Variants in ITPRID2 observed in about 807,000 individuals in gnomAD.
ITPRID2 encodes the protein protein ITPRID2.
Under a neutral mutation model 124.3 loss-of-function variants are expected in ITPRID2, and 60 were observed. That is an observed-to-expected ratio of 0.48 (90% confidence interval 0.39 to 0.60). The LOEUF (loss-of-function observed/expected upper bound fraction) is 0.60. Ranked by LOEUF, ITPRID2 falls within the 20% of genes least tolerant of loss-of-function variation. The pLI is 0.00. For synonymous variants in ITPRID2, 521 were observed against 542.9 expected, an observed-to-expected ratio of 0.96 and a Z score of 0.56; for missense variants, 1,553 against 1,512.2, an observed-to-expected ratio of 1.03 and a Z score of -0.45.
chr2:181,913,254 A>T (rs1199337372), intron 9 of ITPRID2, among the ~76,000 whole-genome samples: 1 of 152,096 alleles, frequency 6.6e-6, no homozygotes, highest in East Asian at 1.9e-4. Flanking sequence ...TTTTTAGTAC[A>T]GACGGGCTTT....
At chr2:181,906,302 G>A (rs1006216680) in intron 8 of ITPRID2, among the ~76,000 whole-genome samples, 3 of 152,142 alleles carry the variant, frequency 2.0e-5, no homozygotes, top group East Asian at 1.9e-4. Context: ...GGAGCACAGC[G>A]GGTGTCAGTG....
chr2:181,910,042 TGTATCA>T lies in ITPRID2; in HGVS notation c.1486+76_1486+81del, dbSNP rs1693478222. On this transcript the variant is annotated intron_variant, in intron 9 of 17. Transcript: ENST00000431877. The surrounding 1 kb of genome is among the most constrained non-coding windows in gnomAD (Gnocchi z 4.1). ...TAGTTGATTTGGAAAAGGGGTTTTA[TGTATCA>T]GTATTTGTAGTATTTATGAGTGTGA... 1.7e-6 allele frequency: 2 copies of T among 1,175,990 alleles called. No homozygotes were observed. The highest frequency in any genetic ancestry group is 1.5e-5 in the African/African-American group (1 of 65,984). 72.8% of individuals were successfully genotyped at this position (1,175,990 alleles called of 1,614,324 possible).
Position 181,913,824 on chromosome 2 carries a change from G to A in ITPRID2, c.1487-21G>A, listed in dbSNP as rs200170058. ...ATTTATAGATCATCTGTTTCTTATA[G>A]CCACATTTTTTTATTCATAGATCAT... On this transcript the variant is annotated intron_variant, in intron 9 of 17. Coordinates refer to ENST00000431877, the MANE Select transcript of ITPRID2 (RefSeq NM_001130445.3). 4.2e-4 allele frequency: 666 copies of A among 1,583,476 alleles called. 2 individuals are homozygous for A. The highest frequency in any genetic ancestry group is 3.6e-4 in the Non-Finnish European group (419 of 1,161,634).
chr2:181,892,188 A>G lies in ITPRID2; in HGVS notation c.122A>G (p.Asp41Gly). The G allele has an allele frequency of 2.6e-6, 4 of 1,553,234 alleles. No individual in the cohort carries two copies. Among genetic ancestry groups the G allele is most frequent in the Non-Finnish European group, 3.5e-6 (4 of 1,148,248 alleles). ...TCCTGGCAAGCGTCGGAGACGGAGG[A>G]TCTGTCCACAGAAGCGACGACGCAG... ...RSSWQASETEDLSTEATTQDE... is the reference protein window; with the variant it reads ...RSSWQASETEGLSTEATTQDE... The change falls in exon 1 of 18, where the codon GAT becomes GGT. Residue 41 changes from aspartate to glycine, a missense_variant. Coordinates refer to ENST00000431877, the MANE Select transcript of ITPRID2 (RefSeq NM_001130445.3). This position sits in a 1 kb window ranked among gnomAD's most constrained non-coding sequence, Gnocchi z 5.2.
intron 2 of ITPRID2, chr2:181,894,305 C>T (rs1692008969): frequency 6.6e-6 from 1 of 152,102 alleles, no homozygotes; most frequent in African/African-American, 2.4e-5. Flanking sequence ...ACAGTCAATC[C>T]CTGACAATTT....
chr2:181,904,205 A>G (rs1049541798), intron 8 of ITPRID2, among the ~76,000 whole-genome samples: 1 of 152,150 alleles, frequency 6.6e-6, no homozygotes, highest in Non-Finnish European at 1.5e-5. Context: ...ACCTTTAATG[A>G]TAGTCTGGGG....
At chr2:181,925,808 T>C (rs979219791) in intron 16 of ITPRID2, among the ~76,000 whole-genome samples, 3 of 151,648 alleles carry the variant, frequency 2.0e-5, no homozygotes, top group Non-Finnish European at 4.4e-5. Flanking sequence ...GAGACCGTCT[T>C]GCTACAGAGT....
intron 8 of ITPRID2, among the ~76,000 whole-genome samples, chr2:181,909,576 G>A (rs1693436427): frequency 2.0e-5 from 3 of 152,128 alleles, no homozygotes; most frequent in Non-Finnish European, 4.4e-5. Context: ...TTGCACACTT[G>A]ACTACGATGT....
rs933596369 is a variant in ITPRID2 at position 181,929,507 on chromosome 2, T to C, written c.*14-54T>C. ...TTCTCATCTTCCTTTAAAGAAGCTT[T>C]TAATAACAGTATTTGAAAGAGGTTT... On this transcript the variant is annotated intron_variant, in intron 17 of 17. Coordinates refer to ENST00000431877, the MANE Select transcript of ITPRID2 (RefSeq NM_001130445.3). 8 of 1,250,176 alleles carry C rather than the reference T, an allele frequency of 6.4e-6. No homozygotes were observed. In the African/African-American group the frequency reaches 1.2e-4, roughly 19 times the overall value. 77.4% of individuals were successfully genotyped at this position (1,250,176 alleles called of 1,614,324 possible).
intron 17 of ITPRID2, among the ~76,000 whole-genome samples, chr2:181,929,080 C>T (rs530265771): frequency 6.6e-6 from 1 of 151,920 alleles, no homozygotes; most frequent in South Asian, 2.1e-4. Context: ...TCTCGTAGCT[C>T]TAATTACATT....
rs1020812046 is a variant in ITPRID2 at position 181,919,691 on chromosome 2, G to T, written c.3144+245G>T. ...ATTTTAATAACAGGAAAGAATAAGG[G>T]CTTATACGAAAGTTGAGGGTTTTTA... On this transcript the variant is annotated intron_variant, in intron 14 of 17. Coordinates refer to ENST00000431877, the MANE Select transcript of ITPRID2 (RefSeq NM_001130445.3). The surrounding 1 kb of genome is among the most constrained non-coding windows in gnomAD (Gnocchi z 4.2). Among the ~76,000 whole-genome samples the T allele has an allele frequency of 9.9e-5, 15 of 152,078 alleles. No individual in the cohort carries two copies. Among genetic ancestry groups the T allele is most frequent in the Non-Finnish European group, 1.8e-4 (12 of 68,014 alleles).
At chr2:181,906,153 T>G (rs1693094350) in intron 8 of ITPRID2, among the ~76,000 whole-genome samples, 1 of 150,054 alleles carries the variant, frequency 6.7e-6, no homozygotes, top group Non-Finnish European at 1.5e-5. Context: ...AGAGATACTT[T>G]ATTCATTTTC....
chr2:181,920,147 A>G (rs774980011), intron 14 of ITPRID2, among the ~76,000 whole-genome samples: 2 of 152,204 alleles, frequency 1.3e-5, no homozygotes, highest in African/African-American at 2.4e-5. Context: ...TACCTTAACA[A>G]TGTATTTGAT....
At position 181,913,902 on chromosome 2, in the gene ITPRID2, C is replaced by G. The variant is rs144169820; in HGVS notation, c.1544C>G (p.Ser515Cys). The G allele has an allele frequency of 1.8e-5, 29 of 1,613,254 alleles. No homozygotes were observed. Among genetic ancestry groups the G allele is most frequent in the Non-Finnish European group, 2.5e-5 (29 of 1,179,714 alleles). Residue 515 changes from serine to cysteine, a missense_variant, in exon 10 of 18, where the codon TCT becomes TGT. Transcript: ENST00000431877. ...GATAGCAGTGGTTTTGCTGAAGATTCTACAGACTGCCTATCCCTTAATCAT... is the reference window on the plus strand; with the variant it reads ...GATAGCAGTGGTTTTGCTGAAGATTGTACAGACTGCCTATCCCTTAATCAT... ...HSDSSGFAEDSTDCLSLNHLQ... is the reference protein window; with the variant it reads ...HSDSSGFAEDCTDCLSLNHLQ...
chr2:181,916,818 C>T, intron 11 of ITPRID2: 2 of 1,005,336 alleles, frequency 2.0e-6, no homozygotes, highest in South Asian at 8.4e-5. Context: ...AACATGTTGA[C>T]TACCTTTTCC....
At chr2:181,928,820 G>A (rs1402579955) in intron 17 of ITPRID2, among the ~76,000 whole-genome samples, 2 of 151,928 alleles carry the variant, frequency 1.3e-5, no homozygotes, top group Non-Finnish European at 2.9e-5. Context: ...TAGAGACGGG[G>A]TTTCACCGTT....
Position 181,910,655 on chromosome 2 carries a change from T to C in ITPRID2, c.1486+684T>C, listed in dbSNP as rs1270485164. The C allele has an allele frequency of 2.9e-6, 2 of 679,250 alleles. No homozygotes were observed. Among genetic ancestry groups the C allele is most frequent in the South Asian group, 1.7e-5 (1 of 58,476 alleles). 42.1% of individuals were successfully genotyped at this position (679,250 alleles called of 1,614,324 possible). A position where few individuals can be genotyped will look rare whatever the true frequency, so the allele number is the denominator to read the frequency against. Reference sequence around the variant, plus strand: ...GTAGGACTGTTTATTTTTGAAACTTTACACATGCTGAACCACCCTGTTTTT... The same window carrying C: ...GTAGGACTGTTTATTTTTGAAACTTCACACATGCTGAACCACCCTGTTTTT... On this transcript the variant is annotated intron_variant, in intron 9 of 17. Coordinates refer to ENST00000431877, the MANE Select transcript of ITPRID2 (RefSeq NM_001130445.3). This position sits in a 1 kb window ranked among gnomAD's most constrained non-coding sequence, Gnocchi z 4.1.
At chr2:181,917,949 C>A (rs1191537439) in intron 11 of ITPRID2, 1 of 152,168 alleles carries the variant, frequency 6.6e-6, no homozygotes, top group Admixed American at 6.5e-5. Context: ...ACCGAGATCA[C>A]CCAGTCTTTG....
rs1222027289 is a variant in ITPRID2 at position 181,910,059 on chromosome 2, T to C, written c.1486+88T>C. The stretch of plus-strand genomic sequence containing the variant: ...GGGTTTTATGTATCAGTATTTGTAG[T>C]ATTTATGAGTGTGAAAAGGCAAAGA... On this transcript the variant is annotated intron_variant, in intron 9 of 17. Transcript: ENST00000431877. This position sits in a 1 kb window ranked among gnomAD's most constrained non-coding sequence, Gnocchi z 4.1. The C allele has an allele frequency of 3.1e-6, 3 of 961,804 alleles. No homozygotes were observed. The highest frequency in any genetic ancestry group is 3.2e-5 in the South Asian group (2 of 62,342). 59.6% of individuals were successfully genotyped at this position (961,804 alleles called of 1,614,324 possible). A position where few individuals can be genotyped will look rare whatever the true frequency, so the allele number is the denominator to read the frequency against.
Sources: allele counts gnomAD v4.1 joint callset (sites outside exome capture counted in the v4.1 genomes callset), GRCh38; gene constraint gnomAD v4.1.1; non-coding constraint Gnocchi (gnomAD v3.1); transcripts MANE v1.5; gene names NCBI Gene and HGNC (gene_info 2026-07-23, HGNC 2026-07-21).